RPS29: variants seen among roughly 807,000 people sequenced by gnomAD.
RPS29 encodes the protein small ribosomal subunit protein uS14.
For missense variants in RPS29, 60 were observed against 75.7 expected, an observed-to-expected ratio of 0.79 and a Z score of 0.77; for synonymous variants, 37 against 26.9, an observed-to-expected ratio of 1.37 and a Z score of -1.16.
downstream of RPS29, among the ~76,000 whole-genome samples, chr14:49,583,029 G>C (rs144360938): frequency 3.9e-3 from 597 of 152,200 alleles, 6 homozygotes; most frequent in South Asian, 6.2e-3. Context: ...TTTCTTTAAA[G>C]AGACAAGGTC....
At chr14:49,593,650 G>T (rs550837860) in intron 1 of RPS29, among the ~76,000 whole-genome samples, 3 of 130,414 alleles carry the variant, frequency 2.3e-5, no homozygotes, top group Non-Finnish European at 3.1e-5. Context: ...CCGAGATCAC[G>T]GCATCGCACT....
chr14:49,594,582 G>A (rs1406518715), intron 1 of RPS29, among the ~76,000 whole-genome samples: 1 of 152,156 alleles, frequency 6.6e-6, no homozygotes, highest in East Asian at 1.9e-4. Flanking sequence ...GCAGATACCA[G>A]GATGAAATCA....
At chr14:49,583,519 A>G, downstream of RPS29, 1 of 865,410 alleles carries the variant, frequency 1.2e-6, no homozygotes, top group African/African-American at 1.8e-5. Context: ...AAAAAAAGAA[A>G]AAGATTTCTA....
chr14:49,580,512 T>C (rs950833685), downstream of RPS29, among the ~76,000 whole-genome samples: 1 of 152,200 alleles, frequency 6.6e-6, no homozygotes, highest in Non-Finnish European at 1.5e-5. Flanking sequence ...TAAACTCCAG[T>C]ATCCCTAACT....
upstream of RPS29, chr14:49,598,703 C>G (rs1191333225): frequency 5.7e-6 from 4 of 699,678 alleles, no homozygotes; most frequent in Non-Finnish European, 5.2e-6. Context: ...AAACAACCAC[C>G]GCTGCCAGCT....
At chr14:49,576,171 C>G (rs923890607) in exon 3 of RPS29, 1 of 151,710 alleles carries the variant, frequency 6.6e-6, no homozygotes, top group Non-Finnish European at 1.5e-5. Context: ...GAAACCTGGA[C>G]CTCTTGGGCT....
upstream of RPS29, chr14:49,586,501 T>C: frequency 2.9e-6 from 2 of 685,712 alleles, no homozygotes; most frequent in East Asian, 2.7e-5. Flanking sequence ...AATGAAATCT[T>C]AGAGGCGTTG....
intron 2 of RPS29, among the ~76,000 whole-genome samples, chr14:49,584,651 G>T (rs561960635): frequency 3.0e-4 from 45 of 150,970 alleles, no homozygotes; most frequent in African/African-American, 1.1e-3. Flanking sequence ...GTAATCCCAG[G>T]TACTAGGGAG....
At chr14:49,588,531 T>G (rs1023930272), upstream of RPS29, among the ~76,000 whole-genome samples, 3 of 145,062 alleles carry the variant, frequency 2.1e-5, no homozygotes, top group Non-Finnish European at 3.1e-5. Context: ...GTTTTGTTTT[T>G]TTTCCTTTTT....
upstream of RPS29, among the ~76,000 whole-genome samples, chr14:49,588,749 G>A (rs541404765): frequency 4.1e-4 from 62 of 151,816 alleles, no homozygotes; most frequent in East Asian, 2.7e-3. Context: ...GGCTGGTCTC[G>A]AAGTCCTGAC....
exon 3 of RPS29, chr14:49,571,645 A>G (rs922776883): frequency 6.6e-6 from 1 of 152,212 alleles, no homozygotes; most frequent in Non-Finnish European, 1.5e-5. Flanking sequence ...AATCAATTAT[A>G]CATATATAAT....
At position 49,597,107 on chromosome 14, in the gene RPS29, TTTC is replaced by T. The variant is rs1230361064; in HGVS notation, c.-133+1290_-133+1292del. Among the ~76,000 whole-genome samples the T allele has an allele frequency of 5.9e-5, 9 of 151,992 alleles. No homozygotes were observed. In the East Asian group the frequency reaches 1.7e-3, roughly 29 times the overall value. ...TTTTGTATTTTTAGTAGAGACGGGGTTTCACCATGCTGGCCAGGCTGGTCTCCA... is the reference window on the plus strand; with the variant it reads ...TTTTGTATTTTTAGTAGAGACGGGGTACCATGCTGGCCAGGCTGGTCTCCA... On this transcript the variant is annotated intron_variant, in intron 1 of 3. Coordinates refer to the RPS29 transcript ENST00000556230.
upstream of RPS29, among the ~76,000 whole-genome samples, chr14:49,589,645 A>G (rs1881670748): frequency 1.3e-5 from 2 of 152,356 alleles, no homozygotes; most frequent in Middle Eastern, 3.4e-3. Flanking sequence ...AAGAATTTAA[A>G]ACAGAACTGT....
At chr14:49,585,638 A>T (rs1305384149) in intron 2 of RPS29, 1 of 440,332 alleles carries the variant, frequency 2.3e-6, no homozygotes, top group African/African-American at 2.0e-5. Context: ...AAACAAATGT[A>T]AAACAATTTT....
intron 2 of RPS29, 183 bp downstream of exon 2, chr14:49,585,767 A>T: frequency 1.7e-6 from 1 of 586,504 alleles, no homozygotes; most frequent in Non-Finnish European, 3.1e-6. Flanking sequence ...CCATTCTATT[A>T]ATTTGATTGC....
At position 49,583,749 on chromosome 14, in the gene RPS29, C is replaced by A. The variant is rs2139510213; in HGVS notation, c.163-74G>T. On this transcript the variant is annotated intron_variant, in intron 2 of 2. Transcript: ENST00000245458. ...ACTTGATTCTCACAAAAAAAAGGCT[C>A]ATTATAGAATGTTATAGAATTACAG... The A allele has an allele frequency of 1.1e-5, 10 of 945,396 alleles. No individual in the cohort carries two copies. In the South Asian group the frequency reaches 1.4e-4, roughly 13 times the overall value. 58.6% of individuals were successfully genotyped at this position (945,396 alleles called of 1,614,324 possible).
intron 2 of RPS29, chr14:49,585,329 TC>T: frequency 6.7e-6 from 1 of 148,598 alleles, no homozygotes; most frequent in South Asian, 2.2e-4. Flanking sequence ...GATCACGCCA[TC>T]GCACTCCAGG....
downstream of RPS29, chr14:49,583,526 T>C: frequency 1.1e-6 from 1 of 884,698 alleles, no homozygotes; most frequent in Non-Finnish European, 1.7e-6. Flanking sequence ...GAAAAAGATT[T>C]CTATAAACAA....
At chr14:49,582,946 TGACA>T (rs1881384840), downstream of RPS29, among the ~76,000 whole-genome samples, 1 of 152,296 alleles carries the variant, frequency 6.6e-6, no homozygotes, top group Admixed American at 6.5e-5. Flanking sequence ...ATGCACACAT[TGACA>T]GATGACAGAC....
Sources: allele counts gnomAD v4.1 joint callset (sites outside exome capture counted in the v4.1 genomes callset), GRCh38; gene constraint gnomAD v4.1.1; transcripts MANE v1.5; gene names NCBI Gene and HGNC (gene_info 2026-07-23, HGNC 2026-07-21).